APOB: variants seen among roughly 807,000 people sequenced by gnomAD.
APOB encodes the protein apolipoprotein B.
A neutral mutation model predicts 314.1 loss-of-function variants in APOB; 153 were observed. That is an observed-to-expected ratio of 0.49 (90% CI 0.43 to 0.56). The LOEUF (loss-of-function observed/expected upper bound fraction) is 0.56, where lower values mean the gene tolerates loss of function less well. Ranked by LOEUF, APOB falls within the 20% of genes least tolerant of loss-of-function variation. The pLI is 0.00. For synonymous variants in APOB, 2,087 were observed against 2,036.4 expected (o/e 1.02, Z -0.67); for missense variants, 5,430 against 5,350.7 (o/e 1.01, Z -0.46).
intron 10 of APOB, among the ~76,000 whole-genome samples, chr2:21,030,949 A>G (rs1663862705): frequency 6.6e-6 from 1 of 152,244 alleles, no homozygotes; most frequent in African/African-American, 2.4e-5. Flanking sequence ...AAGACAAAAA[A>G]TAACAGTTGT....
Position 21,015,083 on chromosome 2 carries a change from T to C in APOB, c.3686A>G (p.Lys1229Arg), listed in dbSNP as rs772030774. The C allele has an allele frequency of 2.5e-6, 4 of 1,614,050 alleles. No individual in the cohort carries two copies. Among genetic ancestry groups the C allele is most frequent in the South Asian group, 1.1e-5 (1 of 91,084 alleles). The change falls in exon 23 of 29, where the codon AAA becomes AGA. Residue 1229 changes from lysine to arginine, a missense_variant. Physicochemically the swap from Lys to Arg is conservative, Grantham distance 26. Around this residue, in one of 3 missense-constraint regions of APOB, gnomAD observed 2,085 missense variants for 2,079.7 expected, o/e 1.00. Transcript: ENST00000233242. The part of the protein sequence containing the change: ...TDMTFRHVGS[K>R]LIVAMSSWLQ... ...CAGACTCATACTTACAACTATTAAT[T>C]TGGAACCCACGTGCCGGAAAGTCAT...
chr2:21,024,838 G>T (rs775726966), intron 16 of APOB, 95 bp downstream of exon 16: 1 of 1,297,574 alleles, frequency 7.7e-7, no homozygotes, highest in Non-Finnish European at 1.1e-6. Context: ...GCATCTTTTC[G>T]GGCTTGTGCA....
At position 21,005,112 on chromosome 2, in the gene APOB, G is replaced by A. The variant is rs1663090649; in HGVS notation, c.11756C>T (p.Ser3919Leu). 1 of 1,613,870 alleles carries A rather than the reference G, an allele frequency of 6.2e-7. No individual in the cohort carries two copies. Among genetic ancestry groups the A allele is most frequent in the African/African-American group, 1.3e-5 (1 of 74,904 alleles). The stretch of plus-strand genomic sequence containing the variant: ...TTCATATTCTAGGAACTGTACGGTT[G>A]AGCTGCATGTGGAATCCAGGACTGT... ...VETVLDSTCS[S>L]TVQFLEYELN... The change falls in exon 26 of 29, where the codon TCA (serine) becomes TTA (leucine). Residue 3919 changes from serine (S) to leucine (L), a missense_variant. By Grantham distance (145) the Ser-to-Leu change is moderately radical. Coordinates refer to ENST00000233242, the MANE Select transcript of APOB (RefSeq NM_000384.3).
chr2:21,042,921 C>A (rs2103389355), intron 2 of APOB, among the ~76,000 whole-genome samples: 1 of 151,558 alleles, frequency 6.6e-6, no homozygotes, highest in African/African-American at 2.4e-5. Flanking sequence ...TAACAAACTC[C>A]TAGAAAAGAA....
Position 21,043,514 on chromosome 2 carries a change from T to G in APOB, c.120A>C (p.Pro40=). 1 of 1,604,418 alleles carries G rather than the reference T, an allele frequency of 6.2e-7. No individual in the cohort carries two copies. Among genetic ancestry groups the G allele is most frequent in the Non-Finnish European group, 8.5e-7 (1 of 1,175,574 alleles). Residue 40 remains proline (P), a splice_region_variant and synonymous_variant, in exon 2 of 29, where the codon CCA becomes CCC. Coordinates refer to ENST00000233242, the MANE Select transcript of APOB (RefSeq NM_000384.3). The stretch of plus-strand genomic sequence containing the variant: ...ACGCCCCATGCGCAGATGCCTTACT[T>G]GGACAGACCAGGCTGACATTTTCCA... ...EMLENVSLVC[P]KDATRFKHLR...
chr2:21,009,118 C>T lies in APOB; in HGVS notation c.7750G>A (p.Gly2584Arg), dbSNP rs1558563314. 3 of 1,613,996 alleles carry T rather than the reference C, an allele frequency of 1.9e-6. No homozygotes were observed. The highest frequency in any genetic ancestry group is 1.7e-6 in the Non-Finnish European group (2 of 1,179,932). ...AKRMKALVEQ[G>R]FTVPEIKTIL... The stretch of plus-strand genomic sequence containing the variant: ...GTCTTGATTTCAGGAACAGTGAACC[C>T]TTGCTCTACCAATGCTTTCATACGT... Residue 2584 changes from glycine to arginine, a missense_variant, in exon 26 of 29, where the codon GGG (glycine) becomes AGG (arginine). By Grantham distance (125) the Gly-to-Arg change is moderately radical (BLOSUM62 -2). Coordinates refer to ENST00000233242, the MANE Select transcript of APOB (RefSeq NM_000384.3).
Position 21,006,131 on chromosome 2 carries a change from G to A in APOB, c.10737C>T (p.Thr3579=), listed in dbSNP as rs12713554. 8,016 of 1,613,866 alleles carry A rather than the reference G, an allele frequency of 5.0e-3. 342 individuals are homozygous for A. In the African/African-American group the frequency reaches 0.095, roughly 19 times the overall value. ...NHLQLEGLFF[T]NGEHTSKATL... ...TGGCTTTGCTTGTATGTTCTCCGTT[G>A]GTGAAAAAGAGGCCCTCTAGCTGTA... The change falls in exon 26 of 29, where the codon ACC becomes ACT. Residue 3579 remains threonine, a synonymous_variant. Transcript: ENST00000233242.
intron 9 of APOB, 132 bp from the exon 10 acceptor site, chr2:21,032,713 A>G (rs1457584480): frequency 1.9e-5 from 14 of 740,148 alleles, no homozygotes; most frequent in Non-Finnish European, 2.9e-5. Flanking sequence ...TCAAAACCCA[A>G]CTTGGAGCTC....
Position 21,019,896 on chromosome 2 carries a change from T to A in APOB, c.2826A>T (p.Leu942Phe). Reference sequence around the variant, plus strand: ...CCGTTTTGGTGGTAGAGACCAAATGTAATGTGTTGCTGGTGAAGAACAAAA... The same window carrying A: ...CCGTTTTGGTGGTAGAGACCAAATGAAATGTGTTGCTGGTGAAGAACAAAA... The part of the protein sequence containing the change: ...PVKLLSGGNT[L>F]HLVSTTKTEV... Residue 942 changes from leucine (L) to phenylalanine (F), a missense_variant, in exon 19 of 29, where the codon TTA becomes TTT. Physicochemically the swap from Leu to Phe is conservative, Grantham distance 22. This residue lies in a region of APOB where 2,085 missense variants were observed against 2,079.7 expected (regional missense o/e 1.00). Coordinates refer to ENST00000233242, the MANE Select transcript of APOB (RefSeq NM_000384.3). 1 of 1,614,188 alleles carries A rather than the reference T, an allele frequency of 6.2e-7. No homozygotes were observed. Among genetic ancestry groups the A allele is most frequent in the Non-Finnish European group, 8.5e-7 (1 of 1,180,010 alleles).
chr2:21,003,355 A>T (rs1257720810), intron 28 of APOB, 21 bp from the exon 29 acceptor site: 2 of 1,603,214 alleles, frequency 1.2e-6, no homozygotes, highest in Non-Finnish European at 1.7e-6. Context: ...AGAAAAAAAA[A>T]AATAACATGT....
intron 3 of APOB, 75 bp downstream of exon 3, chr2:21,042,286 G>C: frequency 4.4e-6 from 5 of 1,132,774 alleles, no homozygotes; most frequent in South Asian, 1.2e-5. Flanking sequence ...GGAAGGTCGC[G>C]TGTTGGGCGC....
Position 21,011,861 on chromosome 2 carries a change from A to G in APOB, c.5007T>C (p.Asn1669=). 6.2e-7 allele frequency: 1 copy of G among 1,614,106 alleles called. No individual in the cohort carries two copies. The highest frequency in any genetic ancestry group is 8.5e-7 in the Non-Finnish European group (1 of 1,180,022). Residue 1669 remains asparagine (N), a synonymous_variant, in exon 26 of 29, where the codon AAT becomes AAC. Coordinates refer to ENST00000233242, the MANE Select transcript of APOB (RefSeq NM_000384.3). ...NLKCSLLVLE[N]ELNAELGLSG... ...AGAGGCCAAGCTCTGCATTCAGCTC[A>G]TTCTCCAGCACCAGGAGACTACACT...
intron 20 of APOB, among the ~76,000 whole-genome samples, chr2:21,017,779 C>T (rs188500457): frequency 6.8e-4 from 103 of 152,306 alleles, no homozygotes; most frequent in African/African-American, 2.2e-3. Flanking sequence ...TTATATCCTT[C>T]GTAAAACAAT....
At chr2:21,022,030 A>C (rs1663618806) in intron 18 of APOB, among the ~76,000 whole-genome samples, 1 of 152,194 alleles carries the variant, frequency 6.6e-6, no homozygotes, top group Admixed American at 6.5e-5. Flanking sequence ...AGCATGGTTC[A>C]CTGAAGGCTT....
Position 21,028,061 on chromosome 2 carries a change from T to C in APOB, c.1834A>G (p.Lys612Glu). The change falls in exon 14 of 29, where the codon AAA (lysine) becomes GAA (glutamate). Residue 612 changes from lysine to glutamate, a missense_variant. Physicochemically the swap from Lys to Glu is moderately conservative, Grantham distance 56. Transcript: ENST00000233242. ...NSEELDIQDLKKLVKEALKES... is the reference protein window; with the variant it reads ...NSEELDIQDLEKLVKEALKES... ...TTCAGAGCTTCTTTCACTAACTTTT[T>C]CAGACTAGATAAGAAGAAGTATATT... 1 of 1,593,030 alleles carries C rather than the reference T, an allele frequency of 6.3e-7. No homozygotes were observed. Among genetic ancestry groups the C allele is most frequent in the African/African-American group, 1.3e-5 (1 of 74,812 alleles).
rs1406047481 is a variant in APOB at position 21,002,508 on chromosome 2, A to T, written c.12914T>A (p.Phe4305Tyr). The T allele has an allele frequency of 6.2e-7, 1 of 1,613,200 alleles. No homozygotes were observed. Among genetic ancestry groups the T allele is most frequent in the East Asian group, 2.2e-5 (1 of 44,864 alleles). The change falls in exon 29 of 29, where the codon TTC becomes TAC. Residue 4305 changes from phenylalanine to tyrosine, a missense_variant. This residue lies in a region of APOB where 3,281 missense variants were observed against 3,171.0 expected (regional missense o/e 1.03). Transcript: ENST00000233242. ...GTTATCTTCTATTAGTTGGAAAATG[A>T]ATTGTAAAAGGTCCTGAAGATTACG... ...VLRNLQDLLQ[F>Y]IFQLIEDNIK...
At chr2:21,039,610 C>T (rs1039711605) in intron 4 of APOB, among the ~76,000 whole-genome samples, 2 of 152,176 alleles carry the variant, frequency 1.3e-5, no homozygotes, top group South Asian at 2.1e-4. Flanking sequence ...GATCTGATCA[C>T]CATACATTAC....
In APOB at chr2:21,013,432, G is replaced by A; in HGVS notation, c.3944C>T (p.Thr1315Ile). The A allele has an allele frequency of 6.2e-7, 1 of 1,614,226 alleles. No homozygotes were observed. Among genetic ancestry groups the A allele is most frequent in the Non-Finnish European group, 8.5e-7 (1 of 1,180,030 alleles). ...GAAGTGGAGGGCTGGTGTCCTAACA[G>A]TCTCTAACATCTTTAGATCTCTGGA... is the stretch of plus-strand genomic sequence containing the variant. ...KSSRDLKMLETVRTPALHFKS... is the reference protein window; with the variant it reads ...KSSRDLKMLEIVRTPALHFKS... The change falls in exon 25 of 29, where the codon ACT becomes ATT. Residue 1315 changes from threonine to isoleucine, a missense_variant. Physicochemically the swap from Thr to Ile is moderately conservative, Grantham distance 89. Transcript: ENST00000233242.
chr2:21,016,534 A>T lies in APOB; in HGVS notation c.3237T>A (p.Val1079=). 6.2e-7 allele frequency: 1 copy of T among 1,603,160 alleles called. No homozygotes were observed. The highest frequency in any genetic ancestry group is 8.5e-7 in the Non-Finnish European group (1 of 1,169,922). ...TTTTGCCCTCAGTAGATTCATCATT[A>T]ACTCTGAGGATTGTTCCGAGGTCAA... is the stretch of plus-strand genomic sequence containing the variant. ...FDVDLGTILR[V]NDESTEGKTS... is the part of the protein sequence containing the mutation. Residue 1079 remains valine (V), a synonymous_variant, in exon 21 of 29, where the codon GTT becomes GTA. Coordinates refer to ENST00000233242, the MANE Select transcript of APOB (RefSeq NM_000384.3).
Sources: allele counts gnomAD v4.1 joint callset (sites outside exome capture counted in the v4.1 genomes callset), GRCh38; gene constraint gnomAD v4.1.1; regional missense constraint gnomAD v4.1.1; transcripts MANE v1.5; gene names NCBI Gene and HGNC (gene_info 2026-07-23, HGNC 2026-07-21).